GARRE1: variants seen among roughly 807,000 people sequenced by gnomAD.
The protein encoded by GARRE1 is granule associated Rac and RHOG effector protein 1.
GARRE1 carries 49 observed loss-of-function variants against 103.2 expected under a neutral mutation model. That is an observed-to-expected ratio of 0.47 (90% confidence interval 0.38 to 0.60). GARRE1 has a LOEUF of 0.60. GARRE1 is among the 20% of genes least tolerant of loss of function. The probability of loss-of-function intolerance (pLI) is 0.00; values close to 1 mark genes in which losing one functional copy is unlikely to be tolerated. For missense variants in GARRE1, 1,199 were observed against 1,370.5 expected, an observed-to-expected ratio of 0.87 and a Z score of 1.98; for synonymous variants, 505 against 532.8, an observed-to-expected ratio of 0.95 and a Z score of 0.72.
intron 1 of GARRE1, among the ~76,000 whole-genome samples, chr19:34,286,515 A>AGC (rs552259475): frequency 2.2e-3 from 280 of 125,570 alleles, no homozygotes; most frequent in African/African-American, 8.1e-3. Context: ...CACCGTGCCC[A>AGC]GCCAACCTTT....
rs567291223 is a variant in GARRE1 at position 34,335,997 on chromosome 19, T to A, written c.1361+2196T>A. Among the ~76,000 whole-genome samples the A allele has an allele frequency of 2.7e-4, 41 of 152,106 alleles. No homozygotes were observed. In the South Asian group the frequency reaches 5.6e-3, roughly 21 times the overall value. The stretch of plus-strand genomic sequence containing the variant: ...ATTTTTTTAAATTATTATTATTATT[T>A]TTTTTTTGGTAGAGACAAGATCTCA... On this transcript the variant is annotated intron_variant, in intron 8 of 13. Transcript: ENST00000299505.
Position 34,341,493 on chromosome 19 carries a change from T to C in GARRE1, c.1559T>C (p.Leu520Pro). The change falls in exon 10 of 14, where the codon CTG becomes CCG. Residue 520 changes from leucine (L) to proline (P), a missense_variant. Physicochemically the swap from Leu to Pro is moderately conservative, Grantham distance 98. Transcript: ENST00000299505. ...EICDFGNQAD[L>P]PSGNGNKSSG... ...TGTGATTTTGGCAACCAGGCTGACC[T>C]GCCTTCTGGAAATGGAAACAAATCT... is the stretch of plus-strand genomic sequence containing the variant. The C allele has an allele frequency of 6.2e-7, 1 of 1,614,078 alleles. No individual in the cohort carries two copies. Among genetic ancestry groups the C allele is most frequent in the Non-Finnish European group, 8.5e-7 (1 of 1,180,018 alleles).
intron 8 of GARRE1, among the ~76,000 whole-genome samples, chr19:34,335,816 G>A (rs769938394): frequency 2.0e-5 from 3 of 152,052 alleles, no homozygotes; most frequent in East Asian, 1.9e-4. Flanking sequence ...GTGAGTCACC[G>A]CGCCCGGCTC....
chr19:34,337,026 G>A (rs922837090), intron 8 of GARRE1, among the ~76,000 whole-genome samples: 12 of 146,068 alleles, frequency 8.2e-5, no homozygotes, highest in Non-Finnish European at 1.2e-4. Context: ...GGTGCTTTTG[G>A]TAATTTTGCA....
chr19:34,262,060 T>C (rs2073721520), intron 1 of GARRE1, among the ~76,000 whole-genome samples: 1 of 152,088 alleles, frequency 6.6e-6, no homozygotes, highest in East Asian at 1.9e-4. Context: ...CTCGACTTAC[T>C]GCAACCTCTG....
rs539991935 is a variant in GARRE1 at position 34,302,139 on chromosome 19, C to T, written c.495+1171C>T. On this transcript the variant is annotated intron_variant, in intron 2 of 13. Coordinates refer to ENST00000299505, the MANE Select transcript of GARRE1 (RefSeq NM_014686.5). ...CTGAGTAGCTGGGATTACAGGCATG[C>T]GCCACCATGCCCGGCTAATTTTGTA... Among the ~76,000 whole-genome samples, 44 of 151,022 alleles carry T rather than the reference C, an allele frequency of 2.9e-4. No homozygotes were observed. In the East Asian group the frequency reaches 7.2e-3, roughly 25 times the overall value.
intron 1 of GARRE1, among the ~76,000 whole-genome samples, chr19:34,267,787 T>G (rs1371779075): frequency 6.6e-6 from 1 of 151,656 alleles, no homozygotes; most frequent in Non-Finnish European, 1.5e-5. Context: ...TTTGTTTTTT[T>G]TTTTTTGATG....
rs559205156 is a variant in GARRE1 at position 34,283,552 on chromosome 19, A to C, written c.-795-16127A>C. Among the ~76,000 whole-genome samples, 11 of 152,308 alleles carry C rather than the reference A, an allele frequency of 7.2e-5. No individual in the cohort carries two copies. In the South Asian group the frequency reaches 2.3e-3, roughly 32 times the overall value. ...ATGTATAAACCCATTTAACTCAATA[A>C]CAGTGGTTACTATTATCCTTATTTT... On this transcript the variant is annotated intron_variant, in intron 1 of 13. Transcript: ENST00000299505.
At position 34,339,919 on chromosome 19, in the gene GARRE1, C is replaced by G; in HGVS notation, c.1414C>G (p.Pro472Ala). The change falls in exon 9 of 14, where the codon CCT (proline) becomes GCT (alanine). Residue 472 changes from proline (P) to alanine (A), a missense_variant. By Grantham distance (27) the Pro-to-Ala change is conservative (BLOSUM62 -1). Transcript: ENST00000299505. ...GTCCCTGCTGCAGAGAAGCCTTGAT[C>G]CTGAGAAGACCCTGGGTCTAGTGGA... ...TMSLLQRSLD[P>A]EKTLGLVDVL... The G allele has an allele frequency of 6.2e-7, 1 of 1,614,122 alleles. No homozygotes were observed. Among genetic ancestry groups the G allele is most frequent in the Non-Finnish European group, 8.5e-7 (1 of 1,180,010 alleles).
At position 34,341,238 on chromosome 19, in the gene GARRE1, T is replaced by TA. The variant is rs1599780819; in HGVS notation, c.1488-183dup. Reference sequence around the variant, plus strand: ...CCTAGCAGAACTTCCAGTCCTGCGTTAGACACTGTAGATTTCATACTCTCC... The same window carrying TA: ...CCTAGCAGAACTTCCAGTCCTGCGTTAAGACACTGTAGATTTCATACTCTCC... On this transcript the variant is annotated intron_variant, in intron 9 of 13. Transcript: ENST00000299505. 1.2e-5 allele frequency: 7 copies of TA among 584,792 alleles called. No individual in the cohort carries two copies. In the East Asian group the frequency reaches 2.0e-4, roughly 17 times the overall value. The allele number at this position is 584,792 out of a possible 1,614,324, so 36.2% of individuals were successfully genotyped here.
At chr19:34,256,920 A>C (rs756236324) in intron 1 of GARRE1, among the ~76,000 whole-genome samples, 1 of 151,952 alleles carries the variant, frequency 6.6e-6, no homozygotes, top group Non-Finnish European at 1.5e-5. Context: ...AGTTTAGTTT[A>C]TTGCCGTTTC....
chr19:34,345,215 A>C (rs1029356713), intron 10 of GARRE1, among the ~76,000 whole-genome samples: 4 of 152,112 alleles, frequency 2.6e-5, no homozygotes, highest in Admixed American at 2.6e-4. Flanking sequence ...AGCCTCCTAA[A>C]GTGCTGGGAT....
chr19:34,287,687 G>C (rs1329467081), intron 1 of GARRE1, among the ~76,000 whole-genome samples: 1 of 152,150 alleles, frequency 6.6e-6, no homozygotes, highest in Non-Finnish European at 1.5e-5. Context: ...AAAGTCTGGA[G>C]GTTTAAGATC....
intron 1 of GARRE1, among the ~76,000 whole-genome samples, chr19:34,259,972 C>T (rs565428488): frequency 1.3e-5 from 2 of 152,342 alleles, no homozygotes; most frequent in Admixed American, 6.5e-5. Context: ...GTTTGCTTCC[C>T]CTTCTGCCAT....
chr19:34,294,333 G>A (rs192843726), intron 1 of GARRE1, among the ~76,000 whole-genome samples: 1 of 151,896 alleles, frequency 6.6e-6, no homozygotes, highest in African/African-American at 2.4e-5. Context: ...CTGAGGTGGA[G>A]GATTGCTTGA....
At chr19:34,266,834 T>A (rs1599746627) in intron 1 of GARRE1, among the ~76,000 whole-genome samples, 2 of 152,106 alleles carry the variant, frequency 1.3e-5, no homozygotes, top group Non-Finnish European at 1.5e-5. Flanking sequence ...GAGAAAAAAA[T>A]TTCTAAATTA....
At chr19:34,337,070 A>G (rs1366470625) in intron 8 of GARRE1, among the ~76,000 whole-genome samples, 6 of 149,016 alleles carry the variant, frequency 4.0e-5, no homozygotes, top group Non-Finnish European at 7.4e-5. Flanking sequence ...TTTTTTTTCA[A>G]ATTACAAAAT....
intron 1 of GARRE1, among the ~76,000 whole-genome samples, chr19:34,271,303 CT>C (rs2073786171): frequency 7.3e-6 from 1 of 137,874 alleles, no homozygotes; most frequent in African/African-American, 2.8e-5. Flanking sequence ...GGCTAGAGTG[CT>C]GTGGCGTGAT....
At chr19:34,327,735 T>C in intron 4 of GARRE1, 36 bp from the exon 5 acceptor site, 1 of 1,581,542 alleles carries the variant, frequency 6.3e-7, no homozygotes, top group Non-Finnish European at 8.7e-7. Context: ...ATAATTTGCT[T>C]TACGATCTTG....
Sources: gnomAD v4.1 joint callset for allele counts (sites outside exome capture counted in the v4.1 genomes callset) on GRCh38, gnomAD v4.1.1 for gene constraint, MANE v1.5 for transcripts, NCBI Gene and HGNC (gene_info 2026-07-23, HGNC 2026-07-21) for gene names.